Variants in IGFL2 observed in about 807,000 individuals in gnomAD.
IGFL2 encodes insulin growth factor-like family member 2.
A neutral mutation model predicts 13.9 loss-of-function variants in IGFL2; 7 were observed. That is an observed-to-expected ratio of 0.51 (90% CI 0.29 to 0.95). The LOEUF is 0.95. IGFL2 is among the 40% of genes least tolerant of loss of function. The pLI is 0.08. For missense variants in IGFL2, 138 were observed against 147.8 expected, an observed-to-expected ratio of 0.93 and a Z score of 0.34; for synonymous variants, 55 against 55.8, an observed-to-expected ratio of 0.99 and a Z score of 0.07.
the IGFL2 span, among the ~76,000 whole-genome samples, chr19:46,192,482 T>C: frequency 1.3e-5 from 2 of 151,532 alleles, no homozygotes; most frequent in Admixed American, 6.6e-5. Context: ...TGCAGTGGCA[T>C]GATCTCAGCT....
the IGFL2 span, chr19:46,213,770 C>T: frequency 6.4e-6 from 1 of 155,122 alleles, no homozygotes; most frequent in Non-Finnish European, 1.5e-5. Context: ...GTCCACTCAC[C>T]CCATCTTCCC....
Position 46,160,727 on chromosome 19 carries a change from A to G in IGFL2, c.187A>G (p.Thr63Ala). ...YNDAIVSLSE[T>A]RQCGPPCTFW... ...TGACGCCATCGTGTCCCTGAGCGAGACCCGCCAATGTGGTCCCCCCTGCAC... is the reference window on the plus strand; with the variant it reads ...TGACGCCATCGTGTCCCTGAGCGAGGCCCGCCAATGTGGTCCCCCCTGCAC... Residue 63 changes from threonine to alanine, a missense_variant, in exon 3 of 4, where the codon ACC (threonine) becomes GCC (alanine). Thr to Ala is a moderately conservative substitution (Grantham distance 58). Transcript: ENST00000377693. 6.2e-7 allele frequency: 1 copy of G among 1,613,596 alleles called. No individual in the cohort carries two copies. Among genetic ancestry groups the G allele is most frequent in the South Asian group, 1.1e-5 (1 of 91,034 alleles).
At chr19:46,167,144 A>T in the IGFL2 span, among the ~76,000 whole-genome samples, 2 of 152,206 alleles carry the variant, frequency 1.3e-5, no homozygotes, top group African/African-American at 4.8e-5. Context: ...TAATTTGGGG[A>T]ACTAATAAAT....
chr19:46,102,830 G>T, the IGFL2 span, among the ~76,000 whole-genome samples: 3 of 152,128 alleles, frequency 2.0e-5, no homozygotes, highest in African/African-American at 4.8e-5. Context: ...ATATTTTTGG[G>T]GGTGGTATGG....
the IGFL2 span, among the ~76,000 whole-genome samples, chr19:46,094,292 T>C: frequency 3.9e-5 from 6 of 152,088 alleles, no homozygotes; most frequent in Admixed American, 6.5e-5. Flanking sequence ...AAATGGCCAA[T>C]TGAGTTTTAC....
the IGFL2 span, among the ~76,000 whole-genome samples, chr19:46,201,161 G>A: frequency 2.0e-5 from 3 of 152,258 alleles, no homozygotes; most frequent in South Asian, 6.2e-4. Context: ...CAGGCCCCTC[G>A]TGATTGCACC....
the IGFL2 span, among the ~76,000 whole-genome samples, chr19:46,079,952 C>G: frequency 0.11 from 16,340 of 152,102 alleles, 1,228 homozygotes; most frequent in African/African-American, 0.2. Context: ...ACAGTAGATT[C>G]AGAAACTAAG....
the IGFL2 span, among the ~76,000 whole-genome samples, chr19:46,185,867 T>C: frequency 6.6e-6 from 1 of 152,210 alleles, no homozygotes; most frequent in African/African-American, 2.4e-5. Context: ...CCCAAGGTCA[T>C]GTACATGCCA....
chr19:46,211,217 A>C, the IGFL2 span, among the ~76,000 whole-genome samples: 9 of 152,194 alleles, frequency 5.9e-5, no homozygotes, highest in Non-Finnish European at 1.3e-4. Context: ...ACTGGTCTGC[A>C]TCATACGAAG....
chr19:46,186,244 C>T, the IGFL2 span, among the ~76,000 whole-genome samples: 1 of 152,136 alleles, frequency 6.6e-6, no homozygotes, highest in African/African-American at 2.4e-5. Flanking sequence ...TGGATCAGGC[C>T]GCAGGCAGGG....
At chr19:46,189,417 C>T in the IGFL2 span, among the ~76,000 whole-genome samples, 28 of 152,254 alleles carry the variant, frequency 1.8e-4, no homozygotes, top group African/African-American at 6.5e-4. Flanking sequence ...TGGATAACTG[C>T]GGGCAGGCCT....
chr19:46,106,177 A>T, the IGFL2 span, among the ~76,000 whole-genome samples: 1 of 152,136 alleles, frequency 6.6e-6, no homozygotes, highest in Non-Finnish European at 1.5e-5. Context: ...TGTTTTTATG[A>T]AGAAAGGTGC....
At chr19:46,194,852 A>ATATATTTTTT in the IGFL2 span, among the ~76,000 whole-genome samples, 1 of 31,596 alleles carries the variant, frequency 3.2e-5, no homozygotes, top group African/African-American at 1.3e-4. Flanking sequence ...ATATATATAT[A>ATATATTTTTT]TTTTTTTTTT....
At chr19:46,164,459 G>C (rs1347625684), downstream of IGFL2, 2 of 152,286 alleles carry the variant, frequency 1.3e-5, no homozygotes, top group Non-Finnish European at 2.9e-5. Flanking sequence ...TCCCTCTGGG[G>C]GTTCCATCCC....
At chr19:46,148,500 A>G (rs1973262636) in intron 1 of IGFL2, among the ~76,000 whole-genome samples, 3 of 152,058 alleles carry the variant, frequency 2.0e-5, no homozygotes, top group Non-Finnish European at 2.9e-5. Flanking sequence ...CCCTCCCTGC[A>G]TTTCCTCACC....
chr19:46,131,795 C>A, the IGFL2 span, among the ~76,000 whole-genome samples: 1 of 151,972 alleles, frequency 6.6e-6, no homozygotes, highest in Non-Finnish European at 1.5e-5. Flanking sequence ...AAAAGTTAGC[C>A]GGGCATGGTG....
At chr19:46,197,719 A>G in the IGFL2 span, among the ~76,000 whole-genome samples, 1 of 152,032 alleles carries the variant, frequency 6.6e-6, no homozygotes, top group African/African-American at 2.4e-5. Flanking sequence ...TTTTGGACAG[A>G]CGGGGTTTCA....
chr19:46,158,852 C>T (rs13346568), intron 1 of IGFL2, among the ~76,000 whole-genome samples: 2,126 of 152,188 alleles, frequency 0.014, 56 homozygotes, highest in African/African-American at 0.048. Context: ...AGGGCTCCCC[C>T]ACAAGTTGTG....
At chr19:46,199,909 G>A in the IGFL2 span, among the ~76,000 whole-genome samples, 3 of 152,246 alleles carry the variant, frequency 2.0e-5, no homozygotes, top group South Asian at 6.2e-4. Flanking sequence ...ACGGAGTCTC[G>A]CTCTGTAGCC....
Sources: gnomAD v4.1 joint callset for allele counts (sites outside exome capture counted in the v4.1 genomes callset) on GRCh38, gnomAD v4.1.1 for gene constraint, MANE v1.5 for transcripts, NCBI Gene and HGNC (gene_info 2026-07-23, HGNC 2026-07-21) for gene names.